The following HHEX variants were observed in gnomAD, a reference collection of about 807,000 sequenced individuals.
The protein encoded by HHEX is hematopoietically expressed homeobox.
HHEX carries 8 observed loss-of-function variants against 27.0 expected under a neutral mutation model. The observed-to-expected ratio is 0.30, with a 90% CI of 0.17 to 0.54. The LOEUF is 0.54. HHEX is among the 20% of genes least tolerant of loss of function. The probability of loss-of-function intolerance (pLI) is 0.95; values close to 1 mark genes in which losing one functional copy is unlikely to be tolerated. For missense variants in HHEX, 326 were observed against 357.2 expected, an observed-to-expected ratio of 0.91 and a Z score of 0.70; for synonymous variants, 164 against 161.5, an observed-to-expected ratio of 1.02 and a Z score of -0.12.
In HHEX at chr10:92,690,038, T is replaced by C; in HGVS notation, c.52T>C (p.Tyr18His). The C allele has an allele frequency of 6.6e-7, 1 of 1,522,524 alleles. No individual in the cohort carries two copies. The highest frequency in any genetic ancestry group is 8.8e-7 in the Non-Finnish European group (1 of 1,137,756). 94.3% of individuals were successfully genotyped at this position (1,522,524 alleles called of 1,614,324 possible). The change falls in exon 1 of 4, where the codon TAC (tyrosine) becomes CAC (histidine). Residue 18 changes from tyrosine to histidine, a missense_variant. By Grantham distance (83) the Tyr-to-His change is moderately conservative (BLOSUM62 2). Around this residue, in one of 4 missense-constraint regions of HHEX, gnomAD observed 215 missense variants for 196.4 expected, o/e 1.09. Transcript: ENST00000282728. ...GGCGGGCGCCGTGGGGGTGCCGCTG[T>C]ACGCGCCCACGCCGCTGCTGCAACC... ...PAAGAVGVPL[Y>H]APTPLLQPAH...
intron 1 of HHEX, 79 bp from the exon 2 acceptor site, chr10:92,692,289 A>T (rs1845363200): frequency 2.7e-6 from 4 of 1,488,344 alleles, no homozygotes; most frequent in Non-Finnish European, 3.6e-6. Context: ...TACCTTTGTC[A>T]TCCCTGGGGC....
In HHEX at chr10:92,690,481, C is replaced by T. The variant is rs561983167; in HGVS notation, c.361+134C>T. 2.7e-5 allele frequency: 30 copies of T among 1,110,060 alleles called. No individual in the cohort carries two copies. The East Asian group carries it at 4.4e-4, about 16-fold the overall frequency. 68.8% of individuals were successfully genotyped at this position (1,110,060 alleles called of 1,614,324 possible). ...GCGATGGAAAAGCAGCTGTCGGGCACGCGCGGGGACGGGAGGCGCGCGGCC... is the reference window on the plus strand; with the variant it reads ...GCGATGGAAAAGCAGCTGTCGGGCATGCGCGGGGACGGGAGGCGCGCGGCC... On this transcript the variant is annotated intron_variant, in intron 1 of 3. Coordinates refer to ENST00000282728, the MANE Select transcript of HHEX (RefSeq NM_002729.5).
In HHEX at chr10:92,694,708, A is replaced by T. The variant is rs569888957; in HGVS notation, c.753A>T (p.Ser251=). The T allele has an allele frequency of 6.2e-6, 10 of 1,614,184 alleles. No homozygotes were observed. In the Admixed American group the frequency reaches 1.2e-4, roughly 19 times the overall value. The change falls in exon 4 of 4, where the codon TCA becomes TCT. Residue 251 remains serine (S), a synonymous_variant. Transcript: ENST00000282728. ...AGGAAGACCTTGAATCAGAGATTTC[A>T]GAGGATTCTGATCAGGAAGTGGACA... ...ASQEDLESEI[S]EDSDQEVDIE...
At position 92,694,485 on chromosome 10, in the gene HHEX, T is replaced by A. The variant is rs1845385430; in HGVS notation, c.592-62T>A. ...TAGGATGAAGAGACATTTTGATTTATTCCTCTCACCTATCCATATTTTATG... is the reference window on the plus strand; with the variant it reads ...TAGGATGAAGAGACATTTTGATTTAATCCTCTCACCTATCCATATTTTATG... On this transcript the variant is annotated intron_variant, in intron 3 of 3. Coordinates refer to ENST00000282728, the MANE Select transcript of HHEX (RefSeq NM_002729.5). 7 of 1,214,076 alleles carry A rather than the reference T, an allele frequency of 5.8e-6. No individual in the cohort carries two copies. The Admixed American group carries it at 1.4e-4, about 24-fold the overall frequency. The allele number at this position is 1,214,076 out of a possible 1,614,324, so 75.2% of individuals were successfully genotyped here. A position where few individuals can be genotyped will look rare whatever the true frequency, so the allele number is the denominator to read the frequency against.
Position 92,694,798 on chromosome 10 carries a change from C to G in HHEX, c.*30C>G, listed in dbSNP as rs766149896. 1.3e-6 allele frequency: 2 copies of G among 1,492,884 alleles called. No homozygotes were observed. The highest frequency in any genetic ancestry group is 9.3e-7 in the Non-Finnish European group (1 of 1,073,112). The allele number at this position is 1,492,884 out of a possible 1,614,324, so 92.5% of individuals were successfully genotyped here. A position where few individuals can be genotyped will look rare whatever the true frequency, so the allele number is the denominator to read the frequency against. On this transcript the variant is annotated 3_prime_UTR_variant, in exon 4 of 4. Coordinates refer to ENST00000282728, the MANE Select transcript of HHEX (RefSeq NM_002729.5). ...CACTGGCATTGGCATGTTCAGAAAA[C>G]TGGATTTAGGAATAATGTTTTGCTA...
chr10:92,692,097 A>C (rs1845360660), intron 1 of HHEX: 1 of 312,600 alleles, frequency 3.2e-6, no homozygotes, highest in Admixed American at 4.7e-5. Context: ...TTTGGGGTTA[A>C]AGGTATGTCT....
chr10:92,694,417 A>T, intron 3 of HHEX, 130 bp from the exon 4 acceptor site: 1 of 691,118 alleles, frequency 1.4e-6, no homozygotes, highest in Admixed American at 2.9e-5. Flanking sequence ...GAATAAGATT[A>T]TAAACTGAAA....
rs534704292 is a variant in HHEX at position 92,694,952 on chromosome 10, C to T, written c.*184C>T. 3 of 593,550 alleles carry T rather than the reference C, an allele frequency of 5.1e-6. No individual in the cohort carries two copies. Among genetic ancestry groups the T allele is most frequent in the African/African-American group, 3.7e-5 (2 of 53,838 alleles). 36.8% of individuals were successfully genotyped at this position (593,550 alleles called of 1,614,324 possible). On this transcript the variant is annotated 3_prime_UTR_variant, in exon 4 of 4. Transcript: ENST00000282728. ...ACCTACATGGAGACCTTAATTTTGA[C>T]TTAACAAATAGTTTATGTACTGCTC...
At chr10:92,690,442 C>G in intron 1 of HHEX, 95 bp downstream of exon 1, 1 of 1,331,122 alleles carries the variant, frequency 7.5e-7, no homozygotes, top group South Asian at 1.7e-5. Context: ...AGGCGGTAGA[C>G]GGCTGTGGCA....
Position 92,695,476 on chromosome 10 carries a change from A to C in HHEX, c.*708A>C, listed in dbSNP as rs1186615430. 1 of 152,696 alleles carries C rather than the reference A, an allele frequency of 6.5e-6. No homozygotes were observed. The highest frequency in any genetic ancestry group is 6.5e-5 in the Admixed American group (1 of 15,278). The allele number at this position is 152,696 out of a possible 1,614,324, so 9.5% of individuals were successfully genotyped here. A position where few individuals can be genotyped will look rare whatever the true frequency, so the allele number is the denominator to read the frequency against. On this transcript the variant is annotated 3_prime_UTR_variant, in exon 4 of 4. Coordinates refer to ENST00000282728, the MANE Select transcript of HHEX (RefSeq NM_002729.5). ...TAAAGTTAATCGCAGATGAACTAGA[A>C]GTCACAGGTTAATTAAATGTAAGTA...
chr10:92,694,853 C>A lies in HHEX; in HGVS notation c.*85C>A. ...AAATCTTCATAGAAGAACTGGAAGGCTATATAAGAAAGGGAATCAATTCTC... is the reference window on the plus strand; with the variant it reads ...AAATCTTCATAGAAGAACTGGAAGGATATATAAGAAAGGGAATCAATTCTC... On this transcript the variant is annotated 3_prime_UTR_variant, in exon 4 of 4. Coordinates refer to ENST00000282728, the MANE Select transcript of HHEX (RefSeq NM_002729.5). 1 of 1,005,026 alleles carries A rather than the reference C, an allele frequency of 9.9e-7. No individual in the cohort carries two copies. Among genetic ancestry groups the A allele is most frequent in the Non-Finnish European group, 1.5e-6 (1 of 666,832 alleles). The allele number at this position is 1,005,026 out of a possible 1,614,324, so 62.3% of individuals were successfully genotyped here.
chr10:92,692,306 G>C, intron 1 of HHEX, 62 bp from the exon 2 acceptor site: 3 of 1,563,274 alleles, frequency 1.9e-6, no homozygotes, highest in Non-Finnish European at 2.6e-6. Context: ...GGGCCCGACA[G>C]CTCTGGGGTC....
chr10:92,690,465 A>C, intron 1 of HHEX, 118 bp downstream of exon 1: 3 of 1,257,442 alleles, frequency 2.4e-6, no homozygotes, highest in Non-Finnish European at 3.1e-6. Context: ...AGCGATGGAA[A>C]AGCAGCTGTC....
chr10:92,692,622 A>T, intron 2 of HHEX, 76 bp downstream of exon 2: 1 of 1,604,620 alleles, frequency 6.2e-7, no homozygotes, highest in Non-Finnish European at 8.5e-7. Context: ...GGCCACCGAG[A>T]GAGAGGCGAG....
Position 92,690,128 on chromosome 10 carries a change from G to A in HHEX, c.142G>A (p.Ala48Thr), listed in dbSNP as rs775302104. The A allele has an allele frequency of 7.1e-6, 11 of 1,546,718 alleles. No homozygotes were observed. The East Asian group carries it at 2.5e-4, about 35-fold the overall frequency. ...LGRGPAAPTP[A>T]PTLPSPNSSF... The stretch of plus-strand genomic sequence containing the variant: ...CCGCGGGCCCGCCGCGCCCACGCCC[G>A]CCCCCACGCTGCCGTCCCCCAACTC... The change falls in exon 1 of 4, where the codon GCC (alanine) becomes ACC (threonine). Residue 48 changes from alanine to threonine, a missense_variant. By Grantham distance (58) the Ala-to-Thr change is moderately conservative. Coordinates refer to ENST00000282728, the MANE Select transcript of HHEX (RefSeq NM_002729.5).
chr10:92,691,026 C>T (rs1488691092), intron 1 of HHEX, among the ~76,000 whole-genome samples: 1 of 152,170 alleles, frequency 6.6e-6, no homozygotes, highest in African/African-American at 2.4e-5. Flanking sequence ...CCAGTTGCTT[C>T]CTATTTTTTT....
rs994627049 is a variant in HHEX at position 92,690,311 on chromosome 10, G to A, written c.325G>A (p.Asp109Asn). The change falls in exon 1 of 4, where the codon GAC (aspartate) becomes AAC (asparagine). Residue 109 changes from aspartate to asparagine, a missense_variant. Transcript: ENST00000282728. ...PLYPFPRTVN[D>N]YTHALLRHDP... ...GTACCCCTTCCCGCGGACGGTGAAC[G>A]ACTACACGCACGCCCTGCTCCGCCA... 1.3e-6 allele frequency: 2 copies of A among 1,537,372 alleles called. No individual in the cohort carries two copies. Among genetic ancestry groups the A allele is most frequent in the African/African-American group, 1.4e-5 (1 of 71,744 alleles).
chr10:92,690,517 G>A (rs1845342989), intron 1 of HHEX, among the ~76,000 whole-genome samples, 170 bp downstream of exon 1: 1 of 152,056 alleles, frequency 6.6e-6, no homozygotes, highest in Admixed American at 6.5e-5. Flanking sequence ...GGGGCTGACC[G>A]CACCGTGACT....
At chr10:92,690,473 G>A in intron 1 of HHEX, 126 bp downstream of exon 1, 1 of 1,209,844 alleles carries the variant, frequency 8.3e-7, no homozygotes, top group Non-Finnish European at 1.1e-6. Flanking sequence ...AAAAGCAGCT[G>A]TCGGGCACGC....
Sources: gnomAD v4.1 joint callset for allele counts (sites outside exome capture counted in the v4.1 genomes callset) on GRCh38, gnomAD v4.1.1 for gene constraint, gnomAD v4.1.1 regional missense constraint, MANE v1.5 for transcripts, NCBI Gene and HGNC (gene_info 2026-07-23, HGNC 2026-07-21) for gene names.